The following CUX2 variants were observed in gnomAD, a reference collection of about 807,000 sequenced individuals.
CUX2 encodes homeobox protein cut-like 2.
In CUX2, 40 loss-of-function variants were observed where a neutral mutation model predicts 144.8. The ratio of observed to expected loss-of-function variants is 0.28; its 90% CI spans 0.21 to 0.36. The LOEUF (loss-of-function observed/expected upper bound fraction) is 0.36, where lower values mean the gene tolerates loss of function less well. Among genes scored for constraint, CUX2 ranks in the 10% least tolerant of loss-of-function variants. The pLI, the probability that CUX2 is intolerant of heterozygous loss-of-function variation, is 1.00. For missense variants in CUX2, 1,615 were observed against 1,994.0 expected, an observed-to-expected ratio of 0.81 and a Z score of 3.62; for synonymous variants, 827 against 875.6, an observed-to-expected ratio of 0.94 and a Z score of 0.98.
At chr12:111,119,701 T>C (rs1054472189) in intron 1 of CUX2, among the ~76,000 whole-genome samples, 4 of 152,204 alleles carry the variant, frequency 2.6e-5, no homozygotes, top group Admixed American at 2.0e-4. Context: ...TTGGGTCTCA[T>C]GTAACAACAA....
At chr12:111,097,710 C>T (rs372406192) in intron 1 of CUX2, among the ~76,000 whole-genome samples, 15 of 152,230 alleles carry the variant, frequency 9.9e-5, no homozygotes, top group South Asian at 8.3e-4. Flanking sequence ...GCAAGCGAGG[C>T]GCTCAGAGTC....
chr12:111,266,157 G>A (rs2136294684), intron 4 of CUX2, among the ~76,000 whole-genome samples: 1 of 152,220 alleles, frequency 6.6e-6, no homozygotes, highest in Middle Eastern at 3.4e-3. Context: ...TTTAGGGTGA[G>A]CCCTAAATCC....
chr12:111,064,432 T>G (rs1045150913), intron 1 of CUX2, among the ~76,000 whole-genome samples: 1 of 152,204 alleles, frequency 6.6e-6, no homozygotes, highest in Non-Finnish European at 1.5e-5. Context: ...TGGTGTCAGT[T>G]GGCATCATGC....
In CUX2 at chr12:111,347,879, G is replaced by C; in HGVS notation, c.4015G>C (p.Asp1339His). 6.2e-7 allele frequency: 1 copy of C among 1,614,098 alleles called. No homozygotes were observed. The change falls in exon 22 of 22, where the codon GAT becomes CAT. Residue 1339 changes from aspartate to histidine, a missense_variant. Transcript: ENST00000261726. ...KEEHPDPPGN[D>H]GLPKVAPGPL... ...GGAGCATCCCGACCCTCCGGGTAAT[G>C]ATGGACTCCCAAAAGTGGCTCCCGG...
In CUX2 at chr12:111,310,213, G is replaced by T; in HGVS notation, c.1431G>T (p.Ser477=). Residue 477 remains serine (S), a synonymous_variant, in exon 15 of 22, where the codon TCG becomes TCT. Transcript: ENST00000261726. This position sits in a 1 kb window ranked among gnomAD's most constrained non-coding sequence, Gnocchi z 7.9. ...GGCCTGACGGCACTCGGACTTTCTCGCTGTCCCCCTTCCCCAGCCTGGCAT... is the reference window on the plus strand; with the variant it reads ...GGCCTGACGGCACTCGGACTTTCTCTCTGTCCCCCTTCCCCAGCCTGGCAT... ...SLGPDGTRTF[S]LSPFPSLASG... 6.6e-7 allele frequency: 1 copy of T among 1,514,400 alleles called. No individual in the cohort carries two copies. Among genetic ancestry groups the T allele is most frequent in the South Asian group, 1.3e-5 (1 of 74,644 alleles). 93.8% of individuals were successfully genotyped at this position (1,514,400 alleles called of 1,614,324 possible). A position where few individuals can be genotyped will look rare whatever the true frequency, so the allele number is the denominator to read the frequency against.
At chr12:111,211,649 G>T (rs1377657995) in intron 1 of CUX2, among the ~76,000 whole-genome samples, 1 of 152,166 alleles carries the variant, frequency 6.6e-6, no homozygotes, top group East Asian at 1.9e-4. Context: ...ATTTTGGGAG[G>T]CCGAGGTGGG....
chr12:111,316,502 T>G (rs1887202004), intron 16 of CUX2, among the ~76,000 whole-genome samples: 1 of 133,454 alleles, frequency 7.5e-6, no homozygotes, highest in Non-Finnish European at 1.5e-5. Flanking sequence ...CAGGCTGGAG[T>G]GCAGTGGTGT....
chr12:111,127,183 G>A (rs565225300), intron 1 of CUX2, among the ~76,000 whole-genome samples: 4 of 152,212 alleles, frequency 2.6e-5, no homozygotes, highest in Non-Finnish European at 5.9e-5. Flanking sequence ...CTGATCATGT[G>A]GTCATAGCTG....
chr12:111,141,883 G>A (rs567919005), intron 1 of CUX2, among the ~76,000 whole-genome samples: 10 of 152,162 alleles, frequency 6.6e-5, no homozygotes, highest in Non-Finnish European at 1.5e-4. Flanking sequence ...CCAGGAGTTC[G>A]AGACCAGCCT....
At chr12:111,341,677 G>A (rs925209445) in intron 20 of CUX2, 103 bp from the exon 21 acceptor site, 31 of 1,355,536 alleles carry the variant, frequency 2.3e-5, no homozygotes, top group East Asian at 9.3e-5. Context: ...GATGGCCTCC[G>A]AGTGGGCCTG....
chr12:111,149,609 C>T (rs768826164), intron 1 of CUX2, among the ~76,000 whole-genome samples: 59 of 152,260 alleles, frequency 3.9e-4, no homozygotes, highest in Non-Finnish European at 7.6e-4. Context: ...CCTGCTTTAA[C>T]GGGGGCTTCC....
intron 4 of CUX2, among the ~76,000 whole-genome samples, chr12:111,280,364 G>T (rs1885068112): frequency 6.6e-6 from 1 of 152,164 alleles, no homozygotes; most frequent in African/African-American, 2.4e-5. Flanking sequence ...AAGTCATGCA[G>T]CTGCAAGCCA....
Position 111,061,883 on chromosome 12 carries a change from A to G in CUX2, c.63+27643A>G, listed in dbSNP as rs1041466622. 2.0e-5 allele frequency among the ~76,000 whole-genome samples: 3 copies of G among 152,168 alleles called. No homozygotes were observed. Among genetic ancestry groups the G allele is most frequent in the Non-Finnish European group, 2.9e-5 (2 of 68,028 alleles). Reference sequence around the variant, plus strand: ...TGGCCAAACACCAGGCTTTAGAGTCAGGCACAGTCAAGTTCAAATTCTGCC... The same window carrying G: ...TGGCCAAACACCAGGCTTTAGAGTCGGGCACAGTCAAGTTCAAATTCTGCC... On this transcript the variant is annotated intron_variant, in intron 1 of 21. Transcript: ENST00000261726. This position sits in a 1 kb window ranked among gnomAD's most constrained non-coding sequence, Gnocchi z 4.2.
chr12:111,346,400 C>T (rs570009521), intron 21 of CUX2, among the ~76,000 whole-genome samples: 70 of 149,158 alleles, frequency 4.7e-4, no homozygotes, highest in African/African-American at 1.6e-3. Context: ...AGGTTGAACC[C>T]GGGAGGCAGA....
intron 1 of CUX2, among the ~76,000 whole-genome samples, chr12:111,125,316 A>G (rs1286148821): frequency 6.6e-6 from 1 of 151,354 alleles, no homozygotes; most frequent in Non-Finnish European, 1.5e-5. Context: ...AGTAGCTGGG[A>G]CTCCAGGCAC....
chr12:111,319,326 A>G (rs1392331099), intron 16 of CUX2, among the ~76,000 whole-genome samples: 1 of 152,064 alleles, frequency 6.6e-6, no homozygotes, highest in African/African-American at 2.4e-5. Context: ...ATGAGGAAGG[A>G]AAGAAATATT....
intron 1 of CUX2, among the ~76,000 whole-genome samples, chr12:111,161,836 G>A (rs1213276281): frequency 6.6e-6 from 1 of 152,198 alleles, no homozygotes; most frequent in African/African-American, 2.4e-5. Context: ...CCAGGCTCAA[G>A]CAGTCCTCCC....
chr12:111,182,783 G>C (rs76168380), intron 1 of CUX2, among the ~76,000 whole-genome samples: 1 of 152,312 alleles, frequency 6.6e-6, no homozygotes, highest in African/African-American at 2.4e-5. Flanking sequence ...TCGTTCAGGT[G>C]GGCATGGGAC....
At chr12:111,266,419 C>T (rs1050041667) in intron 4 of CUX2, among the ~76,000 whole-genome samples, 2 of 150,118 alleles carry the variant, frequency 1.3e-5, no homozygotes, top group South Asian at 2.1e-4. Flanking sequence ...TGCAATGAGC[C>T]GAGATCACAA....
Sources: allele counts gnomAD v4.1 joint callset (sites outside exome capture counted in the v4.1 genomes callset), GRCh38; gene constraint gnomAD v4.1.1; non-coding constraint Gnocchi (gnomAD v3.1); transcripts MANE v1.5; gene names NCBI Gene and HGNC (gene_info 2026-07-23, HGNC 2026-07-21).